The following QPCTL variants were observed in gnomAD, a reference collection of about 807,000 sequenced individuals.
QPCTL encodes glutaminyl-peptide cyclotransferase like, also known as glutaminyl-peptide cyclotransferase-like protein.
A neutral mutation model predicts 34.6 loss-of-function variants in QPCTL; 31 were observed. The ratio of observed to expected loss-of-function variants is 0.90; its 90% CI spans 0.67 to 1.21. The LOEUF (loss-of-function observed/expected upper bound fraction) is 1.21, where lower values mean the gene tolerates loss of function less well. Among genes scored for constraint, QPCTL ranks in the 50% most tolerant of loss-of-function variants. QPCTL has a pLI of 0.00. For synonymous variants in QPCTL, 223 were observed against 226.9 expected, an observed-to-expected ratio of 0.98 and a Z score of 0.15; for missense variants, 474 against 507.8, an observed-to-expected ratio of 0.93 and a Z score of 0.64.
intron 5 of QPCTL, 55 bp from the exon 6 acceptor site, chr19:45,701,736 TGGACTGG>T: frequency 1.5e-6 from 2 of 1,301,972 alleles, no homozygotes; most frequent in Admixed American, 4.0e-5. Flanking sequence ...CTCTGATTTG[TGGACTGG>T]GGACCTTCGA....
chr19:45,693,871 A>AT, intron 2 of QPCTL, among the ~76,000 whole-genome samples: 1 of 152,330 alleles, frequency 6.6e-6, no homozygotes, highest in Non-Finnish European at 1.5e-5. Context: ...CCTACAGATA[A>AT]TAAGTAGTAG....
chr19:45,696,481 C>T (rs947552043), intron 3 of QPCTL, among the ~76,000 whole-genome samples: 2 of 151,896 alleles, frequency 1.3e-5, no homozygotes, highest in Non-Finnish European at 1.5e-5. Flanking sequence ...ACCCCAGCTA[C>T]TCGGGAGGCT....
At chr19:45,696,872 C>T (rs112180375) in intron 3 of QPCTL, among the ~76,000 whole-genome samples, 8,486 of 152,182 alleles carry the variant, frequency 0.056, 810 homozygotes, top group African/African-American at 0.19. Flanking sequence ...CCTGTAATCC[C>T]AGCACTTTGG....
At chr19:45,696,846 G>A (rs1017032614) in intron 3 of QPCTL, among the ~76,000 whole-genome samples, 1 of 152,094 alleles carries the variant, frequency 6.6e-6, no homozygotes, top group African/African-American at 2.4e-5. Context: ...TTCCCGGCCG[G>A]GCGTGGTAAC....
In QPCTL at chr19:45,692,762, A is replaced by G. The variant is rs2146121357; in HGVS notation, c.59A>G (p.Glu20Gly). ...RLRLGERGLM[E>G]PLLPPKRRLL... ...CGGCTGGGGGAACGTGGCCTCATGG[A>G]GCCACTCTTGCCGCCGAAGCGCCGC... Residue 20 changes from glutamate to glycine, a missense_variant, in exon 1 of 7, where the codon GAG (glutamate) becomes GGG (glycine). By Grantham distance (98) the Glu-to-Gly change is moderately conservative (BLOSUM62 -2). Transcript: ENST00000012049. 6.3e-7 allele frequency: 1 copy of G among 1,590,856 alleles called. No individual in the cohort carries two copies. Among genetic ancestry groups the G allele is most frequent in the Non-Finnish European group, 8.6e-7 (1 of 1,168,910 alleles).
At position 45,703,278 on chromosome 19, in the gene QPCTL, T is replaced by C; in HGVS notation, c.*229T>C. The C allele has an allele frequency of 1.8e-6, 1 of 567,776 alleles. No individual in the cohort carries two copies. The allele number at this position is 567,776 out of a possible 1,614,324, so 35.2% of individuals were successfully genotyped here. On this transcript the variant is annotated 3_prime_UTR_variant, in exon 7 of 7. Transcript: ENST00000012049. ...GGATGACAGCCAGAGGAATAAGAACTTGCTCCCTCCCCAGAGGTAAACACT... is the reference window on the plus strand; with the variant it reads ...GGATGACAGCCAGAGGAATAAGAACCTGCTCCCTCCCCAGAGGTAAACACT...
chr19:45,696,085 C>T (rs564599417), intron 3 of QPCTL, among the ~76,000 whole-genome samples: 2 of 151,976 alleles, frequency 1.3e-5, no homozygotes, highest in South Asian at 2.1e-4. Context: ...TCCTCTCCCC[C>T]AAACCCTCCC....
At position 45,695,434 on chromosome 19, in the gene QPCTL, T is replaced by G. The variant is rs1224747323; in HGVS notation, c.352-3T>G. On this transcript the variant is annotated splice_region_variant and splice_polypyrimidine_tract_variant and intron_variant, in intron 2 of 6. Transcript: ENST00000012049. The stretch of plus-strand genomic sequence containing the variant: ...CACCCTCCCACCTCTCTCTTGCCGC[T>G]AGTTCCTGGAGGCCACGCTGCGGTC... 1 of 1,561,990 alleles carries G rather than the reference T, an allele frequency of 6.4e-7. No individual in the cohort carries two copies. The highest frequency in any genetic ancestry group is 1.7e-5 in the Admixed American group (1 of 58,262).
At chr19:45,695,334 T>C in intron 2 of QPCTL, 103 bp from the exon 3 acceptor site, 5 of 1,049,146 alleles carry the variant, frequency 4.8e-6, no homozygotes, top group Non-Finnish European at 5.6e-6. Context: ...AGAGTGGGGC[T>C]TTAGTGTCAA....
chr19:45,700,157 A>G (rs1216138090), intron 5 of QPCTL, among the ~76,000 whole-genome samples: 1 of 151,868 alleles, frequency 6.6e-6, no homozygotes, highest in Non-Finnish European at 1.5e-5. Flanking sequence ...TTTTAAAAAT[A>G]AAGGCTTGGC....
rs1292522940 is a variant in QPCTL, at chr19:45,702,935, C to A, written c.1035C>A (p.Pro345=). 6 of 1,614,106 alleles carry A rather than the reference C, an allele frequency of 3.7e-6. No homozygotes were observed. The highest frequency in any genetic ancestry group is 5.1e-6 in the Non-Finnish European group (6 of 1,180,016). Residue 345 remains proline (P), a synonymous_variant, in exon 7 of 7, where the codon CCC becomes CCA. Transcript: ENST00000012049. ...CCGTGCTCCATCTCATCTCCACGCC[C>A]TTCCCTGCTGTCTGGCACACCCCTG... ...GVPVLHLIST[P]FPAVWHTPAD...
chr19:45,694,183 C>T (rs1264372875), intron 2 of QPCTL, among the ~76,000 whole-genome samples: 2 of 152,100 alleles, frequency 1.3e-5, no homozygotes, highest in Admixed American at 6.6e-5. Context: ...AGTTTGAGAC[C>T]AGCCTGGCCA....
chr19:45,702,499 C>T (rs900033916), intron 6 of QPCTL, among the ~76,000 whole-genome samples: 1 of 151,382 alleles, frequency 6.6e-6, no homozygotes, highest in African/African-American at 2.4e-5. Flanking sequence ...CATGGTGGCT[C>T]ACACCTGTAA....
chr19:45,695,394 T>G, intron 2 of QPCTL, 43 bp from the exon 3 acceptor site: 1 of 851,372 alleles, frequency 1.2e-6, no homozygotes, highest in Non-Finnish European at 1.8e-6. Flanking sequence ...CCCCACCTCC[T>G]CCCCAGTCCC....
At chr19:45,699,931 C>CAAAAAAAAAAAAAAAAA (rs35011463) in intron 5 of QPCTL, among the ~76,000 whole-genome samples, 1 of 90,104 alleles carries the variant, frequency 1.1e-5, no homozygotes, top group Non-Finnish European at 2.1e-5. Context: ...GACTCCATCT[C>CAAAAAAAAAAAAAAAAA]AAAAAAAAAA....
At chr19:45,699,294 G>A (rs1967767585) in intron 5 of QPCTL, among the ~76,000 whole-genome samples, 1 of 151,718 alleles carries the variant, frequency 6.6e-6, no homozygotes, top group Admixed American at 6.6e-5. Flanking sequence ...GCCTCCCAAA[G>A]TGCTGGGATT....
chr19:45,700,804 C>T (rs1017794761), intron 5 of QPCTL, among the ~76,000 whole-genome samples: 2 of 151,976 alleles, frequency 1.3e-5, no homozygotes, highest in Middle Eastern at 6.8e-3. Context: ...ACTAATAATA[C>T]ACAAATTAGC....
At chr19:45,699,028 C>A in intron 5 of QPCTL, 128 bp downstream of exon 5, 2 of 592,932 alleles carry the variant, frequency 3.4e-6, no homozygotes, top group East Asian at 3.2e-5. Context: ...AGGGAGACCC[C>A]ATCTTTTTTT....
At chr19:45,693,017 G>A in intron 1 of QPCTL, 107 bp downstream of exon 1, 1 of 1,175,752 alleles carries the variant, frequency 8.5e-7, no homozygotes, top group African/African-American at 1.6e-5. Flanking sequence ...AGATGCCACC[G>A]TCTTCGTCAT....
Sources: gnomAD v4.1 joint callset for allele counts (sites outside exome capture counted in the v4.1 genomes callset) on GRCh38, gnomAD v4.1.1 for gene constraint, MANE v1.5 for transcripts, NCBI Gene and HGNC (gene_info 2026-07-23, HGNC 2026-07-21) for gene names.